TBC1D12: variants seen among roughly 807,000 people sequenced by gnomAD.
TBC1D12 encodes TBC1 domain family, member 12.
A neutral mutation model predicts 86.7 loss-of-function variants in TBC1D12; 56 were observed. That is an observed-to-expected ratio of 0.65 (90% confidence interval 0.52 to 0.81). The LOEUF is 0.81. Ranked by LOEUF, TBC1D12 falls within the 30% of genes least tolerant of loss-of-function variation. The pLI, the probability that TBC1D12 is intolerant of heterozygous loss-of-function variation, is 0.00. For missense variants in TBC1D12, 1,023 were observed against 1,038.8 expected (o/e 0.98, Z 0.21); for synonymous variants, 421 against 411.7 (o/e 1.02, Z -0.27).
chr10:94,483,553 G>A (rs952208190), intron 3 of TBC1D12, among the ~76,000 whole-genome samples: 1 of 152,102 alleles, frequency 6.6e-6, no homozygotes, highest in African/African-American at 2.4e-5. Context: ...CCATTTGTAT[G>A]TCTTCTTTTG....
intron 9 of TBC1D12, among the ~76,000 whole-genome samples, chr10:94,519,748 C>T (rs1564989496): frequency 6.6e-6 from 1 of 152,204 alleles, no homozygotes; most frequent in Non-Finnish European, 1.5e-5. Flanking sequence ...ATAGCTCCAT[C>T]TTCAAAGCCA....
intron 2 of TBC1D12, among the ~76,000 whole-genome samples, chr10:94,462,057 A>G (rs551405374): frequency 5.3e-5 from 8 of 152,242 alleles, no homozygotes; most frequent in Admixed American, 1.3e-4. Context: ...TGCTAATACT[A>G]TGTTAGGGAT....
At chr10:94,412,059 TG>T (rs2054935686) in intron 1 of TBC1D12, among the ~76,000 whole-genome samples, 2 of 152,200 alleles carry the variant, frequency 1.3e-5, no homozygotes, top group African/African-American at 4.8e-5. Context: ...GATGGTATGG[TG>T]CTTAAAAATG....
intron 2 of TBC1D12, among the ~76,000 whole-genome samples, chr10:94,465,018 C>T (rs2055785489): frequency 6.6e-6 from 1 of 152,084 alleles, no homozygotes; most frequent in African/African-American, 2.4e-5. Flanking sequence ...AAGAGAAGAA[C>T]GTTTTAATAG....
chr10:94,420,000 T>G (rs958103055), intron 1 of TBC1D12, among the ~76,000 whole-genome samples: 1 of 152,204 alleles, frequency 6.6e-6, no homozygotes, highest in Non-Finnish European at 1.5e-5. Flanking sequence ...TGTTAAATTT[T>G]TTTATCGCAG....
chr10:94,425,760 G>A (rs1239993866), intron 1 of TBC1D12, among the ~76,000 whole-genome samples: 2 of 152,012 alleles, frequency 1.3e-5, no homozygotes, highest in African/African-American at 4.8e-5. Context: ...ATTAACTTAG[G>A]GAGCATTGAC....
intron 1 of TBC1D12, among the ~76,000 whole-genome samples, chr10:94,411,932 T>C (rs1418638347): frequency 6.6e-6 from 1 of 152,214 alleles, no homozygotes; most frequent in African/African-American, 2.4e-5. Context: ...CCTTCCTGCC[T>C]GGATGGCAGA....
chr10:94,423,121 A>G lies in TBC1D12; in HGVS notation c.972-18775A>G, dbSNP rs534556141. 1.8e-3 allele frequency among the ~76,000 whole-genome samples: 237 copies of G among 133,830 alleles called. 1 individual carries two copies. The highest frequency in any genetic ancestry group is 3.0e-3 in the Non-Finnish European group (185 of 61,564). The allele number at this position is 133,830 out of a possible 152,430, so 87.8% of individuals were successfully genotyped here. ...TCTTGAAAGAAAGAAAGAGAAGCAGAGAGAAAAAGATAAAGCAAAAAAAGA... is the reference window on the plus strand; with the variant it reads ...TCTTGAAAGAAAGAAAGAGAAGCAGGGAGAAAAAGATAAAGCAAAAAAAGA... On this transcript the variant is annotated intron_variant, in intron 1 of 12. Transcript: ENST00000225235.
At chr10:94,407,194 A>G (rs1448950313) in intron 1 of TBC1D12, among the ~76,000 whole-genome samples, 2 of 152,208 alleles carry the variant, frequency 1.3e-5, no homozygotes, top group Non-Finnish European at 2.9e-5. Flanking sequence ...TTAGAATATG[A>G]CTGCTTTCAT....
chr10:94,532,873 T>A (rs1842466497), intron 12 of TBC1D12, among the ~76,000 whole-genome samples, 155 bp from the exon 13 acceptor site: 1 of 152,162 alleles, frequency 6.6e-6, no homozygotes, highest in East Asian at 1.9e-4. Context: ...ATTTCATGAT[T>A]AGAAAAAAAT....
At chr10:94,516,808 A>G (rs1227953493) in intron 9 of TBC1D12, among the ~76,000 whole-genome samples, 3 of 152,162 alleles carry the variant, frequency 2.0e-5, no homozygotes, top group Non-Finnish European at 2.9e-5. Context: ...GTTACCAATC[A>G]TTAGAATTGT....
intron 11 of TBC1D12, among the ~76,000 whole-genome samples, chr10:94,526,019 A>G (rs905018077): frequency 1.3e-5 from 2 of 152,222 alleles, no homozygotes; most frequent in African/African-American, 4.8e-5. Flanking sequence ...GCTATAGAAC[A>G]CTAGAACTTA....
intron 2 of TBC1D12, among the ~76,000 whole-genome samples, chr10:94,467,651 C>A (rs4918329): frequency 0.081 from 10,161 of 125,958 alleles, 458 homozygotes; most frequent in Non-Finnish European, 0.12. Context: ...TGGCCACTCC[C>A]CCTCTTTTTT....
intron 6 of TBC1D12, among the ~76,000 whole-genome samples, chr10:94,502,521 A>G (rs1173595547): frequency 6.6e-6 from 1 of 152,040 alleles, no homozygotes; most frequent in Non-Finnish European, 1.5e-5. Context: ...CCTGGGCAAC[A>G]TAGCGAGACC....
intron 3 of TBC1D12, among the ~76,000 whole-genome samples, chr10:94,490,718 G>A (rs1169162298): frequency 1.3e-5 from 2 of 152,160 alleles, no homozygotes; most frequent in Non-Finnish European, 2.9e-5. Flanking sequence ...CTTTGTTGGA[G>A]TGGTTCCAGA....
At chr10:94,467,352 C>T (rs190523718) in intron 2 of TBC1D12, among the ~76,000 whole-genome samples, 83 of 152,258 alleles carry the variant, frequency 5.5e-4, no homozygotes, top group African/African-American at 1.8e-3. Context: ...CCTGCCTCAG[C>T]CTCCCGAGTA....
At chr10:94,441,285 T>C (rs1380125794) in intron 1 of TBC1D12, among the ~76,000 whole-genome samples, 2 of 151,906 alleles carry the variant, frequency 1.3e-5, no homozygotes, top group African/African-American at 2.4e-5. Context: ...ATTATAGCAA[T>C]AGGGGATTAG....
chr10:94,516,493 G>A (rs2056593148), intron 9 of TBC1D12, among the ~76,000 whole-genome samples: 1 of 151,734 alleles, frequency 6.6e-6, no homozygotes, highest in Admixed American at 6.6e-5. Context: ...ATGTATACAT[G>A]TGCCATGTTG....
chr10:94,531,693 T>C lies in TBC1D12; in HGVS notation c.2259+233T>C, dbSNP rs1842424064. ...TTTTATTTTATTTTATTTTATGTTA[T>C]TTTATGTTATGTTATTTTATGTTAT... On this transcript the variant is annotated intron_variant, in intron 12 of 12. Transcript: ENST00000225235. Among the ~76,000 whole-genome samples, 6 of 146,566 alleles carry C rather than the reference T, an allele frequency of 4.1e-5. No individual in the cohort carries two copies. The Admixed American group carries it at 4.1e-4, about 10-fold the overall frequency.
Sources: gnomAD v4.1 joint callset for allele counts (sites outside exome capture counted in the v4.1 genomes callset) on GRCh38, gnomAD v4.1.1 for gene constraint, MANE v1.5 for transcripts, NCBI Gene and HGNC (gene_info 2026-07-23, HGNC 2026-07-21) for gene names.